Variants in TAOK3 observed in about 807,000 individuals in gnomAD.
TAOK3 encodes the protein TAO kinase 3.
In TAOK3, 40 loss-of-function variants were observed where a neutral mutation model predicts 120.4. That is an observed-to-expected ratio of 0.33 (90% confidence interval 0.26 to 0.43). TAOK3 has a LOEUF of 0.43. TAOK3 is among the 20% of genes least tolerant of loss of function. The pLI is 1.00. For synonymous variants in TAOK3, 355 were observed against 387.5 expected (o/e 0.92, Z 0.99); for missense variants, 821 against 1,112.1 (o/e 0.74, Z 3.72).
At chr12:118,154,789 A>G (rs2034689952) in intron 19 of TAOK3, among the ~76,000 whole-genome samples, 2 of 152,156 alleles carry the variant, frequency 1.3e-5, no homozygotes, top group South Asian at 4.1e-4. Context: ...TGATCTTTAC[A>G]GTGGCTTACA....
chr12:118,255,318 G>T, intron 3 of TAOK3, 130 bp downstream of exon 3: 2 of 874,676 alleles, frequency 2.3e-6, no homozygotes, highest in Non-Finnish European at 3.4e-6. Context: ...TTGCTATGTT[G>T]CCTAGGCTGG....
intron 1 of TAOK3, among the ~76,000 whole-genome samples, chr12:118,295,774 T>C (rs1025594124): frequency 6.6e-6 from 1 of 152,210 alleles, no homozygotes; most frequent in Non-Finnish European, 1.5e-5. Context: ...TTTTAAAAAA[T>C]CTGTGCCCAT....
At chr12:118,339,510 G>A (rs986076228) in intron 1 of TAOK3, among the ~76,000 whole-genome samples, 1 of 151,418 alleles carries the variant, frequency 6.6e-6, no homozygotes. Flanking sequence ...CTTTAAATCT[G>A]TGTAATGAAT....
chr12:118,360,555 G>A (rs1314987616), intron 1 of TAOK3, among the ~76,000 whole-genome samples: 15 of 127,476 alleles, frequency 1.2e-4, no homozygotes, highest in Non-Finnish European at 6.2e-5. Context: ...GCGACACAGC[G>A]AGACTCCGTC....
At position 118,274,795 on chromosome 12, in the gene TAOK3, A is replaced by AT. The variant is rs34458120; in HGVS notation, c.-193-8037dup. Among the ~76,000 whole-genome samples the AT allele has an allele frequency of 4.0e-3, 565 of 141,810 alleles. 1 individual carries two copies. Among genetic ancestry groups the AT allele is most frequent in the South Asian group, 4.6e-3 (20 of 4,368 alleles). 93.0% of individuals were successfully genotyped at this position (141,810 alleles called of 152,430 possible). On this transcript the variant is annotated intron_variant, in intron 1 of 20. Coordinates refer to ENST00000392533, the MANE Select transcript of TAOK3 (RefSeq NM_016281.4). ...AGGCACGTGCGACCACACCCTGTTA[A>AT]TTTTTTTTTTTTTTTTTAGTAGAGA...
At position 118,325,748 on chromosome 12, in the gene TAOK3, C is replaced by T. The variant is rs544689742; in HGVS notation, c.-194+46900G>A. On this transcript the variant is annotated intron_variant, in intron 1 of 20. Transcript: ENST00000392533. ...AGGCTGGAGTGCAGTAGCATGATCT[C>T]GGCTCACTGCAACGTCTGCCTCCCA... 1.6e-4 allele frequency among the ~76,000 whole-genome samples: 25 copies of T among 152,228 alleles called. No homozygotes were observed. The South Asian group carries it at 1.7e-3, about 10-fold the overall frequency.
chr12:118,209,829 T>G (rs966148543), intron 11 of TAOK3, among the ~76,000 whole-genome samples: 2 of 151,956 alleles, frequency 1.3e-5, no homozygotes, highest in Non-Finnish European at 2.9e-5. Flanking sequence ...TTCTCCTCCT[T>G]GAGCCTCCGA....
At chr12:118,345,065 G>A (rs941353698) in intron 1 of TAOK3, among the ~76,000 whole-genome samples, 1 of 152,108 alleles carries the variant, frequency 6.6e-6, no homozygotes, top group Non-Finnish European at 1.5e-5. Context: ...TAAGCAAAGT[G>A]TTAAAAAACC....
intron 2 of TAOK3, among the ~76,000 whole-genome samples, chr12:118,264,506 C>T (rs899493304): frequency 6.6e-6 from 1 of 151,966 alleles, no homozygotes; most frequent in Non-Finnish European, 1.5e-5. Context: ...CTAGAAAATG[C>T]AAACTAATTT....
chr12:118,315,896 CTG>C (rs1453164853), intron 1 of TAOK3, among the ~76,000 whole-genome samples: 2 of 152,104 alleles, frequency 1.3e-5, no homozygotes, highest in African/African-American at 2.4e-5. Flanking sequence ...ATAAAGGAGA[CTG>C]TGAATTTTGG....
intron 9 of TAOK3, among the ~76,000 whole-genome samples, chr12:118,222,361 C>T (rs762602271): frequency 3.9e-5 from 6 of 151,930 alleles, no homozygotes; most frequent in Non-Finnish European, 5.9e-5. Flanking sequence ...GGTGAAACCC[C>T]GTCTCTACTA....
intron 1 of TAOK3, among the ~76,000 whole-genome samples, chr12:118,358,592 T>G (rs2045485931): frequency 6.6e-6 from 1 of 152,222 alleles, no homozygotes; most frequent in Admixed American, 6.5e-5. Flanking sequence ...TTCAAGTTTT[T>G]TATTTAAAAG....
chr12:118,361,794 CTT>C (rs930373611), intron 1 of TAOK3, among the ~76,000 whole-genome samples: 25 of 152,026 alleles, frequency 1.6e-4, no homozygotes, highest in African/African-American at 5.8e-4. Flanking sequence ...AAAATTTCAA[CTT>C]TTATTTTAGA....
rs58866768 is a variant in TAOK3 at position 118,194,612 on chromosome 12, CTTT to C, written c.1194+4436_1194+4438del. Reference sequence around the variant, plus strand: ...ACATCCTATTCCCTCAAGGACATTTCTTTTTTTTTTTTTTTTTTTTTTATCCCG... The same window carrying C: ...ACATCCTATTCCCTCAAGGACATTTCTTTTTTTTTTTTTTTTTTTATCCCG... On this transcript the variant is annotated intron_variant, in intron 13 of 20. Coordinates refer to ENST00000392533, the MANE Select transcript of TAOK3 (RefSeq NM_016281.4). Among the ~76,000 whole-genome samples the C allele has an allele frequency of 8.0e-4, 79 of 98,138 alleles. 1 individual carries two copies. The highest frequency in any genetic ancestry group is 4.5e-4 in the Non-Finnish European group (21 of 46,902). The allele number at this position is 98,138 out of a possible 152,430, so 64.4% of individuals were successfully genotyped here.
chr12:118,232,362 T>G (rs990598820), intron 9 of TAOK3, among the ~76,000 whole-genome samples: 1 of 152,208 alleles, frequency 6.6e-6, no homozygotes, highest in African/African-American at 2.4e-5. Context: ...AACACAAAGT[T>G]TTCTTCACAG....
rs376343792 is a variant in TAOK3 at position 118,238,084 on chromosome 12, T to A, written c.426A>T (p.Ala142=). ...LHGLAYLHSH[A]LIHRDIKAGN... Reference sequence around the variant, plus strand: ...GTCTCTAATCTTACCTATGAATCAATGCATGAGAATGTAGGTAGGCTAGTC... The same window carrying A: ...GTCTCTAATCTTACCTATGAATCAAAGCATGAGAATGTAGGTAGGCTAGTC... The change falls in exon 7 of 21, where the codon GCA becomes GCT. Residue 142 remains alanine (A), a synonymous_variant. Coordinates refer to ENST00000392533, the MANE Select transcript of TAOK3 (RefSeq NM_016281.4). The A allele has an allele frequency of 6.3e-7, 1 of 1,599,900 alleles. No homozygotes were observed. Among genetic ancestry groups the A allele is most frequent in the South Asian group, 1.1e-5 (1 of 90,118 alleles).
intron 1 of TAOK3, among the ~76,000 whole-genome samples, chr12:118,275,231 G>A (rs1366928501): frequency 6.6e-6 from 1 of 151,986 alleles, no homozygotes; most frequent in East Asian, 1.9e-4. Context: ...TTCAACCTCT[G>A]GGGTTCAAGC....
At chr12:118,205,101 A>T (rs1385912627) in intron 11 of TAOK3, among the ~76,000 whole-genome samples, 1 of 151,590 alleles carries the variant, frequency 6.6e-6, no homozygotes, top group African/African-American at 2.4e-5. Flanking sequence ...ACTTGGGAGA[A>T]GGAGGCTGAA....
intron 1 of TAOK3, among the ~76,000 whole-genome samples, chr12:118,338,294 T>G (rs2044450302): frequency 6.6e-6 from 1 of 152,150 alleles, no homozygotes; most frequent in Non-Finnish European, 1.5e-5. Context: ...TTGTGATTCT[T>G]TAACATATGT....
Sources: gnomAD v4.1 joint callset for allele counts (sites outside exome capture counted in the v4.1 genomes callset) on GRCh38, gnomAD v4.1.1 for gene constraint, MANE v1.5 for transcripts, NCBI Gene and HGNC (gene_info 2026-07-23, HGNC 2026-07-21) for gene names.